Variants in JPH3 observed in about 807,000 individuals in gnomAD.
The protein encoded by JPH3 is junctophilin 3, also known as junctophilin-3.
In JPH3, 11 loss-of-function variants were observed where a neutral mutation model predicts 59.6. That is an observed-to-expected ratio of 0.18 (90% CI 0.12 to 0.31). The LOEUF (loss-of-function observed/expected upper bound fraction) is 0.31. Among genes scored for constraint, JPH3 ranks in the 10% least tolerant of loss-of-function variants. The pLI is 1.00. For synonymous variants in JPH3, 673 were observed against 483.6 expected, an observed-to-expected ratio of 1.39 and a Z score of -5.14; for missense variants, 1,202 against 1,105.7, an observed-to-expected ratio of 1.09 and a Z score of -1.24.
rs149432474 is a variant in JPH3, at chr16:87,684,266, G to A, written c.1285G>A (p.Gly429Arg). ...FSPSFQHREN[G>R]LEYQRPKRQT... ...CCCTTCCTTCCAGCACCGGGAAAAC[G>A]GTGAGTCTCGCCGGGCCTGATACTG... The change falls in exon 3 of 5, where the codon GGG (glycine) becomes AGG (arginine). Residue 429 changes from glycine to arginine, a missense_variant and splice_region_variant. By Grantham distance (125) the Gly-to-Arg change is moderately radical. Transcript: ENST00000284262. 89 of 1,613,836 alleles carry A rather than the reference G, an allele frequency of 5.5e-5. No homozygotes were observed. The highest frequency in any genetic ancestry group is 1.3e-4 in the Admixed American group (8 of 60,012).
chr16:87,692,036 G>C (rs61013870), intron 4 of JPH3, among the ~76,000 whole-genome samples: 1 of 152,056 alleles, frequency 6.6e-6, no homozygotes, highest in Non-Finnish European at 1.5e-5. Context: ...TTAGCGACAC[G>C]CAGGGTGCTA....
At chr16:87,684,727 T>A (rs114841910) in intron 3 of JPH3, among the ~76,000 whole-genome samples, 2,338 of 152,318 alleles carry the variant, frequency 0.015, 61 homozygotes, top group African/African-American at 0.054. Flanking sequence ...ACACACCCAG[T>A]GGCTGCTGGG....
At chr16:87,648,031 G>A (rs114680089) in intron 2 of JPH3, among the ~76,000 whole-genome samples, 2,468 of 152,332 alleles carry the variant, frequency 0.016, 54 homozygotes, top group African/African-American at 0.056. Context: ...GTGGGGCCGG[G>A]CCTGTGGTTG....
rs1567616485 is a variant in JPH3 at position 87,690,411 on chromosome 16, G to C, written c.2051G>C (p.Gly684Ala). ...CAGAAACTGGCGAGCCTGCGGCTGG[G>C]CGGGGCCGAGCCCCGGTTGCTGCGT... is the stretch of plus-strand genomic sequence containing the variant. ...AVQKLASLRLGGAEPRLLRWD... is the reference protein window; with the variant it reads ...AVQKLASLRLAGAEPRLLRWD... The change falls in exon 4 of 5, where the codon GGC becomes GCC. Residue 684 changes from glycine (G) to alanine (A), a missense_variant. Physicochemically the swap from Gly to Ala is moderately conservative, Grantham distance 60. Transcript: ENST00000284262. 6.7e-7 allele frequency: 1 copy of C among 1,502,608 alleles called. No homozygotes were observed. The highest frequency in any genetic ancestry group is 8.9e-7 in the Non-Finnish European group (1 of 1,128,276). 93.1% of individuals were successfully genotyped at this position (1,502,608 alleles called of 1,614,324 possible). A position where few individuals can be genotyped will look rare whatever the true frequency, so the allele number is the denominator to read the frequency against.
At chr16:87,654,483 G>C (rs967465330) in intron 2 of JPH3, 3 of 152,240 alleles carry the variant, frequency 2.0e-5, no homozygotes, top group Non-Finnish European at 4.4e-5. Flanking sequence ...TTTGTGGTTA[G>C]GTCAGACCAG....
At chr16:87,602,452 GGGGGGCGGGC>G (rs2030248536), upstream of JPH3, among the ~76,000 whole-genome samples, 1 of 116,280 alleles carries the variant, frequency 8.6e-6, no homozygotes, top group Non-Finnish European at 1.9e-5. Flanking sequence ...GGCGGGGGGC[GGGGGGCGGGC>G]GGGGGCGCGC....
chr16:87,692,866 A>G (rs1426533865), intron 4 of JPH3, among the ~76,000 whole-genome samples: 1 of 152,192 alleles, frequency 6.6e-6, no homozygotes, highest in African/African-American at 2.4e-5. Context: ...GGCCCAGAGC[A>G]CGGGCTGGAC....
At chr16:87,652,767 C>T (rs568076027) in intron 2 of JPH3, among the ~76,000 whole-genome samples, 1 of 152,250 alleles carries the variant, frequency 6.6e-6, no homozygotes, top group Non-Finnish European at 1.5e-5. Context: ...ACTGTGGTGG[C>T]AGCCGGTGTG....
rs1413309121 is a variant in JPH3, at chr16:87,611,606, G to A, written c.382+8078G>A. 9.2e-5 allele frequency among the ~76,000 whole-genome samples: 14 copies of A among 151,974 alleles called. No homozygotes were observed. The highest frequency in any genetic ancestry group is 1.9e-4 in the East Asian group (1 of 5,186). ...GAGAGTCGCTCTCTCTGCTGCTGGT[G>A]GAGTCTGAGTTGGGCAGGACATGGG... On this transcript the variant is annotated intron_variant, in intron 1 of 4. Coordinates refer to ENST00000284262, the MANE Select transcript of JPH3 (RefSeq NM_020655.4). This position sits in a 1 kb window ranked among gnomAD's most constrained non-coding sequence, Gnocchi z 4.5.
At chr16:87,675,426 T>A (rs1173418463) in intron 2 of JPH3, among the ~76,000 whole-genome samples, 2 of 152,170 alleles carry the variant, frequency 1.3e-5, no homozygotes, top group Non-Finnish European at 2.9e-5. Context: ...ACCTGCCCTG[T>A]GCTTTGAGGC....
upstream of JPH3, among the ~76,000 whole-genome samples, chr16:87,602,342 C>T (rs1193575739): frequency 1.4e-5 from 2 of 138,662 alleles, no homozygotes; most frequent in Non-Finnish European, 3.2e-5. Context: ...GAGGGCGGGG[C>T]GCCCGGGGTC....
intron 1 of JPH3, among the ~76,000 whole-genome samples, chr16:87,621,985 C>G (rs2031202003): frequency 6.6e-6 from 1 of 152,214 alleles, no homozygotes; most frequent in Admixed American, 6.5e-5. Flanking sequence ...TGACCTGTTT[C>G]TATCTCACTC....
chr16:87,604,499 C>T (rs2030433524), intron 1 of JPH3: 1 of 1,317,748 alleles, frequency 7.6e-7, no homozygotes, highest in Non-Finnish European at 9.9e-7. Context: ...CATGTGGGAG[C>T]TTATCCTCAG....
At chr16:87,637,794 G>T (rs1367820104) in intron 1 of JPH3, among the ~76,000 whole-genome samples, 68 of 152,338 alleles carry the variant, frequency 4.5e-4, no homozygotes, top group Non-Finnish European at 8.8e-5. Flanking sequence ...AAGGATTCCA[G>T]ATGCTGGCCT....
intron 1 of JPH3, among the ~76,000 whole-genome samples, chr16:87,638,038 G>T (rs1400578007): frequency 6.6e-6 from 1 of 152,088 alleles, no homozygotes; most frequent in Non-Finnish European, 1.5e-5. Flanking sequence ...TCCTGCCTCT[G>T]CCTCCCCAGT....
rs185182905 is a variant in JPH3 at position 87,664,925 on chromosome 16, C to G, written c.1161-19217C>G. Among the ~76,000 whole-genome samples, 6 of 152,336 alleles carry G rather than the reference C, an allele frequency of 3.9e-5. No individual in the cohort carries two copies. The East Asian group carries it at 1.2e-3, about 29-fold the overall frequency. ...GTGCATCTCCAGGGTGAACCTGGCC[C>G]CTGCCCAGCGCATTTGCCTGTCCCC... On this transcript the variant is annotated intron_variant, in intron 2 of 4. Transcript: ENST00000284262.
intron 2 of JPH3, among the ~76,000 whole-genome samples, chr16:87,653,069 CG>C (rs963658194): frequency 7.2e-5 from 11 of 151,858 alleles, no homozygotes; most frequent in African/African-American, 2.2e-4. Context: ...TCAGTGCCTG[CG>C]GGGGGGACTA....
In JPH3 at chr16:87,602,751, CCCCCGCCCGGCCTCGGCGCGGCGCCCT is replaced by C. The variant is rs2030286459; in HGVS notation, c.-389_-363del. 2 of 135,558 alleles carry C rather than the reference CCCCCGCCCGGCCTCGGCGCGGCGCCCT, an allele frequency of 1.5e-5. No homozygotes were observed. Among genetic ancestry groups the C allele is most frequent in the African/African-American group, 5.3e-5 (2 of 37,710 alleles). 8.4% of individuals were successfully genotyped at this position (135,558 alleles called of 1,614,324 possible). A position where few individuals can be genotyped will look rare whatever the true frequency, so the allele number is the denominator to read the frequency against. On this transcript the variant is annotated 5_prime_UTR_variant, in exon 1 of 5. Transcript: ENST00000284262. ...GGGCCGCGGCCCGGGCCTGAGCTGC[CCCCCGCCCGGCCTCGGCGCGGCGCCCT>C]CCCCGCGGGGCTGCCGGCGAGGGGC...
At position 87,644,980 on chromosome 16, in the gene JPH3, G is replaced by T. The variant is rs1351968858; in HGVS notation, c.1105G>T (p.Ala369Ser). 1.9e-6 allele frequency: 3 copies of T among 1,609,422 alleles called. No homozygotes were observed. The highest frequency in any genetic ancestry group is 2.5e-6 in the Non-Finnish European group (3 of 1,179,822). ...CGAGAAGGTGGACCGCGCCGTTGAG[G>T]CCGCTGAGCGGGCCGCCACCATCGC... The part of the protein sequence containing the change: ...IREKVDRAVE[A>S]AERAATIAKQ... Residue 369 changes from alanine (A) to serine (S), a missense_variant, in exon 2 of 5, where the codon GCC becomes TCC. Coordinates refer to ENST00000284262, the MANE Select transcript of JPH3 (RefSeq NM_020655.4).
Sources: gnomAD v4.1 joint callset for allele counts (sites outside exome capture counted in the v4.1 genomes callset) on GRCh38, gnomAD v4.1.1 for gene constraint, Gnocchi (gnomAD v3.1) non-coding constraint, MANE v1.5 for transcripts, NCBI Gene and HGNC (gene_info 2026-07-23, HGNC 2026-07-21) for gene names.